The following TENM3 variants were observed in gnomAD, a reference collection of about 807,000 sequenced individuals.
TENM3 encodes the protein teneurin-3.
TENM3 carries 63 observed loss-of-function variants against 255.1 expected under a neutral mutation model. The ratio of observed to expected loss-of-function variants is 0.25; its 90% CI spans 0.20 to 0.30. TENM3 has a LOEUF of 0.30. TENM3 is among the 10% of genes least tolerant of loss of function. TENM3 has a pLI of 1.00. For missense variants in TENM3, 2,929 were observed against 3,461.1 expected (o/e 0.85, Z 3.86); for synonymous variants, 1,306 against 1,322.3 (o/e 0.99, Z 0.27).
At chr4:181,548,965 A>G in the TENM3 span, among the ~76,000 whole-genome samples, 1 of 152,162 alleles carries the variant, frequency 6.6e-6, no homozygotes, top group East Asian at 1.9e-4. Context: ...CCAAAGGAGG[A>G]TGGGTAATCC....
chr4:182,693,483 C>G (rs987697599), intron 12 of TENM3, among the ~76,000 whole-genome samples: 4 of 151,856 alleles, frequency 2.6e-5, no homozygotes, highest in African/African-American at 9.7e-5. Context: ...GTTACAGGCG[C>G]CCACCACCAC....
At chr4:182,776,412 G>A (rs145928018) in intron 24 of TENM3, among the ~76,000 whole-genome samples, 3 of 152,084 alleles carry the variant, frequency 2.0e-5, no homozygotes, top group South Asian at 4.1e-4. Flanking sequence ...ATTCTGTCTC[G>A]AAACAAGAAA....
chr4:182,136,537 G>A, the TENM3 span, among the ~76,000 whole-genome samples: 30 of 152,080 alleles, frequency 2.0e-4, no homozygotes, highest in African/African-American at 6.8e-4. Context: ...TTGAAATTAC[G>A]GTGAGTAAAA....
chr4:181,852,903 A>G, the TENM3 span, among the ~76,000 whole-genome samples: 1 of 152,186 alleles, frequency 6.6e-6, no homozygotes, highest in Non-Finnish European at 1.5e-5. Context: ...ACGCCACTGA[A>G]TCTTACACTT....
At chr4:181,458,854 T>C in the TENM3 span, among the ~76,000 whole-genome samples, 1 of 152,002 alleles carries the variant, frequency 6.6e-6, no homozygotes, top group African/African-American at 2.4e-5. Flanking sequence ...ATAAAGACGC[T>C]ATGAATATTT....
intron 4 of TENM3, among the ~76,000 whole-genome samples, chr4:182,623,780 CTCTG>C (rs1454060761): frequency 6.6e-6 from 1 of 152,160 alleles, no homozygotes; most frequent in Non-Finnish European, 1.5e-5. Flanking sequence ...TTTTCATGCT[CTCTG>C]TCTTTTCCTA....
chr4:182,141,487 TTG>T (rs1206491236), upstream of TENM3: 1 of 139,728 alleles, frequency 7.2e-6, no homozygotes, highest in Non-Finnish European at 1.7e-5. Context: ...TGGAACTTCT[TTG>T]TGTGAGAGAC....
intron 1 of TENM3, among the ~76,000 whole-genome samples, chr4:182,169,771 A>G (rs1267917497): frequency 6.6e-6 from 1 of 152,076 alleles, no homozygotes; most frequent in Non-Finnish European, 1.5e-5. Flanking sequence ...TATAACATGT[A>G]GCTATGTCAG....
chr4:182,172,215 G>T (rs1437978931), intron 1 of TENM3, among the ~76,000 whole-genome samples: 7 of 151,938 alleles, frequency 4.6e-5, no homozygotes, highest in Non-Finnish European at 1.0e-4. Flanking sequence ...TGTTAATCTG[G>T]CATTAACACT....
intron 13 of TENM3, among the ~76,000 whole-genome samples, chr4:182,728,057 C>T (rs1033706142): frequency 3.9e-5 from 6 of 152,026 alleles, no homozygotes; most frequent in Non-Finnish European, 8.8e-5. Context: ...CCATGTTGGC[C>T]AGGCTGGTCT....
chr4:182,389,179 T>TG (rs898918988), intron 3 of TENM3, among the ~76,000 whole-genome samples: 3 of 152,204 alleles, frequency 2.0e-5, no homozygotes, highest in African/African-American at 7.2e-5. Flanking sequence ...TAAGGATAGT[T>TG]GCCCGTGTTG....
chr4:181,707,157 G>T, the TENM3 span, among the ~76,000 whole-genome samples: 3 of 152,298 alleles, frequency 2.0e-5, no homozygotes, highest in Admixed American at 2.0e-4. Flanking sequence ...TACCTTTCTG[G>T]CTGGCAGCTT....
intron 3 of TENM3, among the ~76,000 whole-genome samples, 196 bp from the exon 4 acceptor site, chr4:182,600,728 G>A (rs1043468552): frequency 4.0e-5 from 6 of 151,846 alleles, no homozygotes; most frequent in Non-Finnish European, 8.8e-5. Context: ...TGTATCAAGG[G>A]TAAACTTGCT....
intron 3 of TENM3, among the ~76,000 whole-genome samples, chr4:182,452,703 C>T (rs1458518136): frequency 2.6e-5 from 4 of 152,176 alleles, no homozygotes; most frequent in Non-Finnish European, 5.9e-5. Context: ...GAAACATTGA[C>T]TGTTTTAAAG....
chr4:182,380,761 G>T (rs1021491957), intron 3 of TENM3, among the ~76,000 whole-genome samples: 2 of 152,132 alleles, frequency 1.3e-5, no homozygotes, highest in African/African-American at 4.8e-5. Context: ...TTTAACGAAG[G>T]CCACATCTTG....
chr4:182,543,978 T>C (rs1432326757), intron 3 of TENM3, among the ~76,000 whole-genome samples: 2 of 152,188 alleles, frequency 1.3e-5, no homozygotes, highest in Non-Finnish European at 1.5e-5. Context: ...CAGAATATTG[T>C]GTAGTACCTT....
the TENM3 span, among the ~76,000 whole-genome samples, chr4:181,531,320 G>A: frequency 0.12 from 18,737 of 152,166 alleles, 1,317 homozygotes; most frequent in East Asian, 0.19. Context: ...GAACCCCAAC[G>A]ACAAAGTTGC....
chr4:181,636,323 G>T, the TENM3 span, among the ~76,000 whole-genome samples: 1 of 152,134 alleles, frequency 6.6e-6, no homozygotes, highest in Non-Finnish European at 1.5e-5. Flanking sequence ...GATTACAGGT[G>T]TGAGCCACCG....
At chr4:181,877,830 C>A in the TENM3 span, among the ~76,000 whole-genome samples, 1 of 152,258 alleles carries the variant, frequency 6.6e-6, no homozygotes, top group Non-Finnish European at 1.5e-5. Flanking sequence ...AAGAGGTTGT[C>A]AAATAGCCAC....
Sources: gnomAD v4.1 joint callset for allele counts (sites outside exome capture counted in the v4.1 genomes callset) on GRCh38, gnomAD v4.1.1 for gene constraint, MANE v1.5 for transcripts, NCBI Gene and HGNC (gene_info 2026-07-23, HGNC 2026-07-21) for gene names.